The following SLC47A1 variants were observed in gnomAD, a reference collection of about 807,000 sequenced individuals.
SLC47A1 encodes the protein multidrug and toxin extrusion protein 1.
SLC47A1 carries 58 observed loss-of-function variants against 65.8 expected under a neutral mutation model. The observed-to-expected ratio is 0.88, with a 90% CI of 0.71 to 1.10. The LOEUF (loss-of-function observed/expected upper bound fraction) is 1.10. Ranked by LOEUF, SLC47A1 falls within the 50% of genes least tolerant of loss-of-function variation. The probability of loss-of-function intolerance (pLI) is 0.00; values close to 1 mark genes in which losing one functional copy is unlikely to be tolerated. For synonymous variants in SLC47A1, 285 were observed against 295.0 expected, an observed-to-expected ratio of 0.97 and a Z score of 0.35; for missense variants, 706 against 719.2, an observed-to-expected ratio of 0.98 and a Z score of 0.21.
chr17:19,561,370 G>A (rs545590884), intron 12 of SLC47A1, among the ~76,000 whole-genome samples: 28 of 151,920 alleles, frequency 1.8e-4, no homozygotes, highest in Admixed American at 1.6e-3. Flanking sequence ...TCGGCCGGGC[G>A]CGGTGGCTCA....
chr17:19,576,350 CCTTTT>C (rs986555100), intron 16 of SLC47A1, among the ~76,000 whole-genome samples: 3 of 141,886 alleles, frequency 2.1e-5, no homozygotes, highest in African/African-American at 8.3e-5. Context: ...TTTCTTCCTT[CCTTTT>C]TTTTTTTTTT....
rs781497602 is a variant in SLC47A1, at chr17:19,567,139, T to C, written c.1220T>C (p.Val407Ala). The change falls in exon 14 of 17, where the codon GTT becomes GCT. Residue 407 changes from valine to alanine, a missense_variant. By Grantham distance (64) the Val-to-Ala change is moderately conservative. Transcript: ENST00000270570. Reference sequence around the variant, plus strand: ...CTGAGGGGGAGTGGAAATCAGAAGGTTGGAGCCATTGTGAATACCATTGGG... The same window carrying C: ...CTGAGGGGGAGTGGAAATCAGAAGGCTGGAGCCATTGTGAATACCATTGGG... ...GVLRGSGNQKVGAIVNTIGYY... is the reference protein window; with the variant it reads ...GVLRGSGNQKAGAIVNTIGYY... The C allele has an allele frequency of 6.2e-7, 1 of 1,614,096 alleles. No homozygotes were observed. Among genetic ancestry groups the C allele is most frequent in the South Asian group, 1.1e-5 (1 of 91,072 alleles).
At chr17:19,573,066 T>C (rs1035159198) in intron 16 of SLC47A1, among the ~76,000 whole-genome samples, 1 of 152,226 alleles carries the variant, frequency 6.6e-6, no homozygotes, top group African/African-American at 2.4e-5. Flanking sequence ...TATAGATGAC[T>C]GAAAGGTCCC....
chr17:19,536,040 C>T (rs1273443567), intron 1 of SLC47A1, among the ~76,000 whole-genome samples: 1 of 151,830 alleles, frequency 6.6e-6, no homozygotes, highest in Admixed American at 6.6e-5. Context: ...GATCACAGCT[C>T]ACTGCAGCCT....
intron 4 of SLC47A1, among the ~76,000 whole-genome samples, chr17:19,548,955 A>C (rs1201960408): frequency 6.6e-6 from 1 of 152,098 alleles, no homozygotes. Flanking sequence ...GACGTTTGAC[A>C]ATGTCTGAAG....
intron 1 of SLC47A1, chr17:19,535,332 G>A (rs1915962841): frequency 6.6e-6 from 1 of 152,292 alleles, no homozygotes; most frequent in African/African-American, 2.4e-5. Flanking sequence ...CTACTCCAGA[G>A]GCTGAGGCAC....
chr17:19,551,427 AC>A lies in SLC47A1; in HGVS notation c.504del (p.Leu170PhefsTer20). On this transcript the variant is annotated frameshift_variant, in exon 6 of 17. Transcript: ENST00000270570. LOFTEE classifies it high-confidence loss of function. The part of the protein sequence containing the change: ...VTIFIPALPA[T>X]FLYMLQVKYL... ...CATCTCTCTTGTTCTCTTGTAGGCA[AC>A]CTTTCTTTATATGTTACAAGTTAAA... 6.2e-7 allele frequency: 1 copy of A among 1,607,356 alleles called. No individual in the cohort carries two copies. The highest frequency in any genetic ancestry group is 8.5e-7 in the Non-Finnish European group (1 of 1,173,926).
intron 3 of SLC47A1, 127 bp downstream of exon 3, chr17:19,546,630 T>C (rs531054870): frequency 3.7e-6 from 3 of 817,530 alleles, no homozygotes; most frequent in Non-Finnish European, 6.0e-6. Flanking sequence ...CAGCAACTCC[T>C]CTTCTCCTGG....
At chr17:19,544,570 A>C (rs1916236653) in intron 2 of SLC47A1, among the ~76,000 whole-genome samples, 2 of 152,298 alleles carry the variant, frequency 1.3e-5, no homozygotes, top group South Asian at 4.1e-4. Context: ...AGGCTCCTCG[A>C]AACTTCAGGG....
At chr17:19,562,157 A>T (rs1022533499) in intron 12 of SLC47A1, among the ~76,000 whole-genome samples, 1 of 152,200 alleles carries the variant, frequency 6.6e-6, no homozygotes. Context: ...TGGATTCAGA[A>T]AGCTGGTGGA....
At chr17:19,574,951 C>A (rs1294219650) in intron 16 of SLC47A1, among the ~76,000 whole-genome samples, 1 of 152,140 alleles carries the variant, frequency 6.6e-6, no homozygotes, top group African/African-American at 2.4e-5. Flanking sequence ...ATGGCACTTA[C>A]TTTTATACTA....
chr17:19,577,990 T>TC lies in SLC47A1; in HGVS notation c.*437_*438insC. 1.6e-6 allele frequency: 2 copies of TC among 1,281,438 alleles called. No individual in the cohort carries two copies. Among genetic ancestry groups the TC allele is most frequent in the Non-Finnish European group, 2.0e-6 (2 of 983,846 alleles). 79.4% of individuals were successfully genotyped at this position (1,281,438 alleles called of 1,614,324 possible). On this transcript the variant is annotated 3_prime_UTR_variant, in exon 17 of 17. Coordinates refer to ENST00000270570, the MANE Select transcript of SLC47A1 (RefSeq NM_018242.3). ...AATGGTATTTGTTTTTGTTTTAATTTTTTTTTTAATAGACGGAAGTCTTGC... is the reference window on the plus strand; with the variant it reads ...AATGGTATTTGTTTTTGTTTTAATTTCTTTTTTTAATAGACGGAAGTCTTGC...
At position 19,549,661 on chromosome 17, in the gene SLC47A1, T is replaced by G. The variant is rs759039021; in HGVS notation, c.482T>G (p.Phe161Cys). 2 of 1,614,238 alleles carry G rather than the reference T, an allele frequency of 1.2e-6. No individual in the cohort carries two copies. The highest frequency in any genetic ancestry group is 1.3e-5 in the African/African-American group (1 of 75,062). Reference protein sequence around the residue: ...SRLTQTYVTIFIPALPATFLY... With the variant: ...SRLTQTYVTICIPALPATFLY... ...CTTACCCAGACCTATGTCACGATCT[T>G]CATTCCAGCTCTTCCTGTAAGTGCT... The change falls in exon 5 of 17, where the codon TTC (phenylalanine) becomes TGC (cysteine). Residue 161 changes from phenylalanine to cysteine, a missense_variant. Transcript: ENST00000270570.
chr17:19,549,883 A>T (rs571888637), intron 5 of SLC47A1, among the ~76,000 whole-genome samples: 1 of 152,336 alleles, frequency 6.6e-6, no homozygotes, highest in East Asian at 1.9e-4. Flanking sequence ...AGGCTACTCC[A>T]GGACGTCTGG....
rs529800302 is a variant in SLC47A1 at position 19,537,581 on chromosome 17, G to A, written c.135+3507G>A. On this transcript the variant is annotated intron_variant, in intron 1 of 16. Transcript: ENST00000270570. ...TCCGGCCCCCACGCCTCTACTCCCC[G>A]TTCCCTCCTCCAATCCGTCCTCACC... Among the ~76,000 whole-genome samples, 75 of 152,304 alleles carry A rather than the reference G, an allele frequency of 4.9e-4. No individual in the cohort carries two copies. The South Asian group carries it at 7.0e-3, about 14-fold the overall frequency.
rs1000514836 is a variant in SLC47A1 at position 19,547,091 on chromosome 17, G to T, written c.306+588G>T. The T allele has an allele frequency of 1.3e-5, 2 of 152,820 alleles. 1 individual carries two copies. The highest frequency in any genetic ancestry group is 4.1e-4 in the South Asian group (2 of 4,852). The allele number at this position is 152,820 out of a possible 1,614,324, so 9.5% of individuals were successfully genotyped here. On this transcript the variant is annotated intron_variant, in intron 3 of 16. Transcript: ENST00000270570. ...TTTGGAGACAGAGTCTTGCTCTATC[G>T]CCCAGGCTGGGCTGCAGTGGCACAC...
At position 19,536,277 on chromosome 17, in the gene SLC47A1, T is replaced by TAATAA. The variant is rs1326518573; in HGVS notation, c.135+2204_135+2208dup. Among the ~76,000 whole-genome samples the TAATAA allele has an allele frequency of 1.4e-4, 21 of 151,234 alleles. No individual in the cohort carries two copies. In the East Asian group the frequency reaches 2.1e-3, roughly 15 times the overall value. ...GCAATAATAATAATAATAATAATAA[T>TAATAA]AATAACAGGGCAGGTTTCTGAAATC... On this transcript the variant is annotated intron_variant, in intron 1 of 16. Transcript: ENST00000270570.
chr17:19,551,216 G>T (rs1234871082), intron 5 of SLC47A1, among the ~76,000 whole-genome samples: 5 of 152,138 alleles, frequency 3.3e-5, no homozygotes, highest in Non-Finnish European at 1.5e-5. Flanking sequence ...TATGCTTGGG[G>T]CATATGCACC....
In SLC47A1 at chr17:19,555,592, G is replaced by C. The variant is rs1916580308; in HGVS notation, c.642-1G>C. 4 of 1,614,136 alleles carry C rather than the reference G, an allele frequency of 2.5e-6. No individual in the cohort carries two copies. Among genetic ancestry groups the C allele is most frequent in the East Asian group, 2.2e-5 (1 of 44,868 alleles). ...CCTCTCATTGGGACTGTTCTTTCCA[G>C]AGGCTCTGCACTGGCAAACTTGATT... On this transcript the variant is annotated splice_acceptor_variant, in intron 7 of 16. Transcript: ENST00000270570. LOFTEE classifies it high-confidence loss of function.
Sources: gnomAD v4.1 joint callset for allele counts (sites outside exome capture counted in the v4.1 genomes callset) on GRCh38, gnomAD v4.1.1 for gene constraint, MANE v1.5 for transcripts, NCBI Gene and HGNC (gene_info 2026-07-23, HGNC 2026-07-21) for gene names.